The following ARHGEF6 variants were observed in gnomAD, a reference collection of about 807,000 sequenced individuals.
The protein encoded by ARHGEF6 is Rac/Cdc42 guanine nucleotide exchange factor 6.
Under a neutral mutation model 70.3 loss-of-function variants are expected in ARHGEF6, and 9 were observed. That is an observed-to-expected ratio of 0.13 (90% CI 0.08 to 0.22). The LOEUF (loss-of-function observed/expected upper bound fraction) is 0.22, where lower values mean the gene tolerates loss of function less well. ARHGEF6 is among the 10% of genes least tolerant of loss of function. The probability of loss-of-function intolerance (pLI) is 1.00; values close to 1 mark genes in which losing one functional copy is unlikely to be tolerated. For synonymous variants in ARHGEF6, 201 were observed against 207.8 expected, an observed-to-expected ratio of 0.97 and a Z score of 0.28; for missense variants, 470 against 563.0, an observed-to-expected ratio of 0.83 and a Z score of 1.67.
At chrX:136,762,000 C>T (rs891608380) in intron 2 of ARHGEF6, among the ~76,000 whole-genome samples, 10 of 111,061 alleles carry the variant, frequency 9.0e-5, no homozygotes, top group Non-Finnish European at 1.3e-4. Context: ...CTGCAACCTC[C>T]GCCTCCCGGG....
intron 19 of ARHGEF6, 97 bp downstream of exon 19, chrX:136,674,910 T>C: frequency 2.5e-6 from 2 of 791,879 alleles, no homozygotes; most frequent in South Asian, 4.3e-5. Context: ...TTCCACACCC[T>C]GCAACCCATC....
chrX:136,702,499 A>G (rs2076586511), intron 9 of ARHGEF6, among the ~76,000 whole-genome samples: 1 of 112,306 alleles, frequency 8.9e-6, no homozygotes, highest in African/African-American at 3.2e-5. Context: ...TCTACAACAT[A>G]TATTTTAATC....
intron 2 of ARHGEF6, among the ~76,000 whole-genome samples, chrX:136,769,369 G>A (rs748344962): frequency 7.2e-5 from 8 of 111,300 alleles, no homozygotes; most frequent in South Asian, 7.6e-4. Context: ...CCTAGATCAC[G>A]CCACTGCACT....
chrX:136,771,469 G>A (rs1232475193), intron 2 of ARHGEF6, among the ~76,000 whole-genome samples: 5 of 112,421 alleles, frequency 4.4e-5, no homozygotes, highest in African/African-American at 1.6e-4. Flanking sequence ...CAGTTCAATG[G>A]AGGAATTGGC....
intron 11 of ARHGEF6, among the ~76,000 whole-genome samples, 153 bp downstream of exon 11, chrX:136,687,779 C>A (rs1006096541): frequency 8.9e-6 from 1 of 111,973 alleles, no homozygotes; most frequent in Non-Finnish European, 1.9e-5. Context: ...TTTTGGAGGA[C>A]AAAATTAAGT....
intron 9 of ARHGEF6, among the ~76,000 whole-genome samples, chrX:136,698,515 G>A (rs2076534574): frequency 9.0e-6 from 1 of 111,661 alleles, no homozygotes; most frequent in Admixed American, 9.5e-5. Flanking sequence ...AGGAAGAGAA[G>A]AACAACTCGT....
chrX:136,728,606 T>C lies in ARHGEF6; in HGVS notation c.732+3496A>G, dbSNP rs187385230. On this transcript the variant is annotated intron_variant, in intron 6 of 21. Coordinates refer to ENST00000250617, the MANE Select transcript of ARHGEF6 (RefSeq NM_004840.3). Reference sequence around the variant, plus strand: ...AATTAATCATCACATCCTGTAAGCTTGGGCAGGATAGACAGGGTGCCCAGA... The same window carrying C: ...AATTAATCATCACATCCTGTAAGCTCGGGCAGGATAGACAGGGTGCCCAGA... Among the ~76,000 whole-genome samples, 568 of 106,657 alleles carry C rather than the reference T, an allele frequency of 5.3e-3. 3 individuals are homozygous for C. Among genetic ancestry groups the C allele is most frequent in the African/African-American group, 0.018 (524 of 29,383 alleles). The allele number at this position is 106,657 out of a possible 115,157, so 92.6% of individuals were successfully genotyped here.
chrX:136,692,130 A>G, intron 9 of ARHGEF6, among the ~76,000 whole-genome samples: 1 of 111,978 alleles, frequency 8.9e-6, no homozygotes, highest in East Asian at 2.8e-4. Context: ...ATGGAGTTTC[A>G]GCTAATGCAA....
rs745563328 is a variant in ARHGEF6, at chrX:136,667,853, C to T, written c.*176G>A. ...ACAACAGCAAATGCCCAAGCGCGCA[C>T]GTGCACGCACACACATATGCACACA... is the stretch of plus-strand genomic sequence containing the variant. On this transcript the variant is annotated 3_prime_UTR_variant, in exon 22 of 22. Transcript: ENST00000250617. 386 of 595,518 alleles carry T rather than the reference C, an allele frequency of 6.5e-4. No individual in the cohort carries two copies. The highest frequency in any genetic ancestry group is 3.5e-4 in the Non-Finnish European group (133 of 382,099). 49.1% of individuals were successfully genotyped at this position (595,518 alleles called of 1,213,427 possible). A position where few individuals can be genotyped will look rare whatever the true frequency, so the allele number is the denominator to read the frequency against.
At chrX:136,762,646 G>A (rs762519603) in intron 2 of ARHGEF6, among the ~76,000 whole-genome samples, 1 of 110,931 alleles carries the variant, frequency 9.0e-6, no homozygotes, top group African/African-American at 3.3e-5. Context: ...CTTGTGCCAC[G>A]ATGCCTGGCT....
rs368582688 is a variant in ARHGEF6, at chrX:136,764,168, CA to C, written c.249+15245del. On this transcript the variant is annotated intron_variant, in intron 2 of 21. Coordinates refer to ENST00000250617, the MANE Select transcript of ARHGEF6 (RefSeq NM_004840.3). ...ACATTAGAATCACTTGCAGAGCTTT[CA>C]AAAAAAAAAAAATCACAAGGCTTGT... Among the ~76,000 whole-genome samples the C allele has an allele frequency of 1.5e-3, 143 of 97,488 alleles. 1 individual carries two copies. Among genetic ancestry groups the C allele is most frequent in the African/African-American group, 2.4e-3 (63 of 26,746 alleles). The allele number at this position is 97,488 out of a possible 115,157, so 84.7% of individuals were successfully genotyped here. A position where few individuals can be genotyped will look rare whatever the true frequency, so the allele number is the denominator to read the frequency against.
intron 6 of ARHGEF6, among the ~76,000 whole-genome samples, chrX:136,727,032 C>T (rs2076859725): frequency 8.9e-6 from 1 of 112,495 alleles, no homozygotes; most frequent in African/African-American, 3.2e-5. Flanking sequence ...AGAATTTGCT[C>T]ATATGGCTCC....
At chrX:136,694,536 G>A (rs1294410277) in intron 9 of ARHGEF6, among the ~76,000 whole-genome samples, 1 of 111,700 alleles carries the variant, frequency 9.0e-6, no homozygotes, top group Non-Finnish European at 1.9e-5. Flanking sequence ...TAAACAAAGA[G>A]TGGAGAGAAC....
rs370664540 is a variant in ARHGEF6, at chrX:136,708,781, A to C, written c.828-11T>G. On this transcript the variant is annotated splice_polypyrimidine_tract_variant and intron_variant, in intron 7 of 21. Coordinates refer to ENST00000250617, the MANE Select transcript of ARHGEF6 (RefSeq NM_004840.3). ...TCCACAGTACTCAGACTGAAAAAAA[A>C]ATACAGTACATGTAGTTATCTATTG... The C allele has an allele frequency of 1.8e-6, 2 of 1,136,384 alleles. No individual in the cohort carries two copies. Among genetic ancestry groups the C allele is most frequent in the Non-Finnish European group, 2.4e-6 (2 of 828,913 alleles). 93.7% of individuals were successfully genotyped at this position (1,136,384 alleles called of 1,213,427 possible). A position where few individuals can be genotyped will look rare whatever the true frequency, so the allele number is the denominator to read the frequency against.
chrX:136,676,592 T>C (rs999856238), intron 18 of ARHGEF6, 32 bp downstream of exon 18: 3 of 1,082,845 alleles, frequency 2.8e-6, no homozygotes, highest in East Asian at 3.0e-5. Flanking sequence ...AATTTATCCA[T>C]AAACAACTTT....
At chrX:136,769,422 A>AAAAT (rs1003307201) in intron 2 of ARHGEF6, among the ~76,000 whole-genome samples, 1 of 111,368 alleles carries the variant, frequency 9.0e-6, no homozygotes, top group Non-Finnish European at 1.9e-5. Context: ...AAAATAAATA[A>AAAAT]AAATAAATAA....
chrX:136,678,725 C>T (rs934036465), intron 16 of ARHGEF6, among the ~76,000 whole-genome samples: 1 of 111,751 alleles, frequency 8.9e-6, no homozygotes, highest in African/African-American at 3.3e-5. Flanking sequence ...TATAAGCCAC[C>T]TTTGCCCCAT....
chrX:136,702,799 A>G (rs964576040), intron 9 of ARHGEF6, among the ~76,000 whole-genome samples: 10 of 112,423 alleles, frequency 8.9e-5, no homozygotes. Context: ...ACATCTCTCT[A>G]TCAGGAACTG....
intron 9 of ARHGEF6, among the ~76,000 whole-genome samples, chrX:136,705,117 C>T (rs986816529): frequency 6.3e-5 from 7 of 110,380 alleles, no homozygotes; most frequent in Non-Finnish European, 9.5e-5. Context: ...GTCAGGAGTT[C>T]GAGATCAGCC....
Sources: allele counts gnomAD v4.1 joint callset (sites outside exome capture counted in the v4.1 genomes callset), GRCh38; gene constraint gnomAD v4.1.1; transcripts MANE v1.5; gene names NCBI Gene and HGNC (gene_info 2026-07-23, HGNC 2026-07-21).